CPNE8: variants seen among roughly 807,000 people sequenced by gnomAD.
The protein encoded by CPNE8 is copine-8.
In CPNE8, 45 loss-of-function variants were observed where a neutral mutation model predicts 81.5. That is an observed-to-expected ratio of 0.55 (90% CI 0.44 to 0.71). The LOEUF (loss-of-function observed/expected upper bound fraction) is 0.71. CPNE8 is among the 30% of genes least tolerant of loss of function. The pLI is 0.00. For missense variants in CPNE8, 594 were observed against 672.1 expected (o/e 0.88, Z 1.28); for synonymous variants, 252 against 226.3 (o/e 1.11, Z -1.02).
At chr12:38,663,430 A>T (rs1368780671) in intron 19 of CPNE8, among the ~76,000 whole-genome samples, 2 of 152,178 alleles carry the variant, frequency 1.3e-5, no homozygotes, top group African/African-American at 2.4e-5. Context: ...TTTATCAGAG[A>T]AATGCAAATC....
chr12:38,812,151 G>A (rs1942948853), intron 6 of CPNE8, among the ~76,000 whole-genome samples: 1 of 152,188 alleles, frequency 6.6e-6, no homozygotes, highest in Admixed American at 6.5e-5. Context: ...CACAGAAGGT[G>A]GCAGGAACTG....
intron 10 of CPNE8, among the ~76,000 whole-genome samples, chr12:38,731,583 T>C (rs981477996): frequency 1.3e-5 from 2 of 151,950 alleles, no homozygotes; most frequent in Admixed American, 6.6e-5. Context: ...TATTTCATGG[T>C]ATTTTATGTG....
intron 1 of CPNE8, among the ~76,000 whole-genome samples, 173 bp downstream of exon 1, chr12:38,905,264 C>T (rs1241041696): frequency 2.0e-5 from 3 of 152,200 alleles, no homozygotes; most frequent in Non-Finnish European, 4.4e-5. Context: ...TTCTAATTCC[C>T]GCTCCCCTGT....
At chr12:38,730,832 T>C (rs1054914379) in intron 10 of CPNE8, among the ~76,000 whole-genome samples, 14 of 144,670 alleles carry the variant, frequency 9.7e-5, no homozygotes, top group Admixed American at 5.8e-4. Flanking sequence ...AACATATTAA[T>C]ATGTGTAATA....
chr12:38,855,424 G>A (rs1943714910), intron 3 of CPNE8, among the ~76,000 whole-genome samples: 1 of 151,864 alleles, frequency 6.6e-6, no homozygotes, highest in Non-Finnish European at 1.5e-5. Context: ...AAGTAACCTT[G>A]ACAAAAAAGA....
Position 38,652,567 on chromosome 12 carries a change from G to GA in CPNE8, c.*1314dup, listed in dbSNP as rs1314780038. ...GTATTAAATAGAATATATAGGTAAG[G>GA]AAAAAATATTATAAAGCAGTTACAT... On this transcript the variant is annotated 3_prime_UTR_variant, in exon 20 of 20. Coordinates refer to ENST00000331366, the MANE Select transcript of CPNE8 (RefSeq NM_153634.3). 6.6e-6 allele frequency: 1 copy of GA among 152,186 alleles called. No individual in the cohort carries two copies. The allele number at this position is 152,186 out of a possible 1,614,324, so 9.4% of individuals were successfully genotyped here.
At chr12:38,882,568 C>CA (rs1246091846) in intron 1 of CPNE8, among the ~76,000 whole-genome samples, 17 of 152,170 alleles carry the variant, frequency 1.1e-4, no homozygotes, top group African/African-American at 4.1e-4. Flanking sequence ...ACCTCTCCTC[C>CA]AAGCAAGACG....
intron 12 of CPNE8, among the ~76,000 whole-genome samples, chr12:38,724,402 T>C (rs1940645165): frequency 6.6e-6 from 1 of 152,208 alleles, no homozygotes; most frequent in Admixed American, 6.5e-5. Flanking sequence ...TTGCCTTCTG[T>C]ACTGATTTAG....
chr12:38,693,989 T>C (rs1025964724), intron 14 of CPNE8, 151 bp from the exon 15 acceptor site: 12 of 516,602 alleles, frequency 2.3e-5, no homozygotes, highest in Non-Finnish European at 3.2e-5. Flanking sequence ...TGGATGGATA[T>C]TAACACAGAA....
intron 5 of CPNE8, among the ~76,000 whole-genome samples, chr12:38,831,079 T>C (rs1279628524): frequency 6.6e-6 from 1 of 152,132 alleles, no homozygotes; most frequent in African/African-American, 2.4e-5. Flanking sequence ...AAGGGAACAT[T>C]TTCCCAAAGG....
chr12:38,668,909 C>T (rs535161144), intron 19 of CPNE8, among the ~76,000 whole-genome samples: 2 of 152,126 alleles, frequency 1.3e-5, no homozygotes, highest in Admixed American at 1.3e-4. Context: ...AAAAAATTAG[C>T]TGGGCATGGT....
At chr12:38,761,786 A>C (rs1941577714) in intron 9 of CPNE8, among the ~76,000 whole-genome samples, 1 of 152,220 alleles carries the variant, frequency 6.6e-6, no homozygotes, top group Non-Finnish European at 1.5e-5. Context: ...AGCAACCATG[A>C]GTTATGCCAA....
chr12:38,748,553 T>C (rs1592058737), intron 10 of CPNE8, among the ~76,000 whole-genome samples: 1 of 151,940 alleles, frequency 6.6e-6, no homozygotes, highest in Admixed American at 6.6e-5. Flanking sequence ...CAGGCTGGAG[T>C]GCAGTGGCGT....
rs1221751253 is a variant in CPNE8, at chr12:38,801,136, A to G, written c.408-24835T>C. Among the ~76,000 whole-genome samples, 24 of 61,694 alleles carry G rather than the reference A, an allele frequency of 3.9e-4. No homozygotes were observed. In the South Asian group the frequency reaches 0.021, roughly 55 times the overall value. 40.5% of individuals were successfully genotyped at this position (61,694 alleles called of 152,430 possible). A position where few individuals can be genotyped will look rare whatever the true frequency, so the allele number is the denominator to read the frequency against. On this transcript the variant is annotated intron_variant, in intron 6 of 19. Coordinates refer to ENST00000331366, the MANE Select transcript of CPNE8 (RefSeq NM_153634.3). ...AATCTAGCAAGGCAGGCCAACGTTC[A>G]GATTCAGGAAATACAGAGAACGCCA...
chr12:38,851,735 C>T (rs1017985681), intron 3 of CPNE8, among the ~76,000 whole-genome samples: 2 of 152,184 alleles, frequency 1.3e-5, no homozygotes, highest in African/African-American at 4.8e-5. Flanking sequence ...ATGCCCATGT[C>T]ATTCCACCAG....
intron 15 of CPNE8, among the ~76,000 whole-genome samples, chr12:38,690,571 C>T (rs1482968097): frequency 6.6e-6 from 1 of 151,926 alleles, no homozygotes; most frequent in Non-Finnish European, 1.5e-5. Context: ...AAAGAACAGA[C>T]TATGGTGTAA....
At chr12:38,677,676 G>T in intron 16 of CPNE8, 122 bp from the exon 17 acceptor site, 4 of 638,212 alleles carry the variant, frequency 6.3e-6, no homozygotes, top group East Asian at 5.5e-5. Context: ...CATGTTAGAG[G>T]TATATCTTAT....
chr12:38,734,860 G>A (rs1192963989), intron 10 of CPNE8, among the ~76,000 whole-genome samples: 1 of 152,102 alleles, frequency 6.6e-6, no homozygotes. Context: ...ATAGGCTTAT[G>A]AATGGATGTG....
chr12:38,773,364 T>C (rs1285486068), intron 7 of CPNE8, among the ~76,000 whole-genome samples: 4 of 152,124 alleles, frequency 2.6e-5, no homozygotes, highest in South Asian at 2.1e-4. Context: ...GGGGGAACCA[T>C]TGTAAGTGAC....
Sources: gnomAD v4.1 joint callset for allele counts (sites outside exome capture counted in the v4.1 genomes callset) on GRCh38, gnomAD v4.1.1 for gene constraint, MANE v1.5 for transcripts, NCBI Gene and HGNC (gene_info 2026-07-23, HGNC 2026-07-21) for gene names.